Variants in MIPEP observed in about 807,000 individuals in gnomAD.
MIPEP encodes mitochondrial intermediate peptidase.
In MIPEP, 79 loss-of-function variants were observed where a neutral mutation model predicts 90.3. That is an observed-to-expected ratio of 0.87 (90% confidence interval 0.73 to 1.05). MIPEP has a LOEUF of 1.05. MIPEP is among the 50% of genes least tolerant of loss of function. The pLI, the probability that MIPEP is intolerant of heterozygous loss-of-function variation, is 0.00. For missense variants in MIPEP, 940 were observed against 905.6 expected (o/e 1.04, Z -0.49); for synonymous variants, 334 against 315.8 (o/e 1.06, Z -0.61).
At chr13:23,748,323 A>G (rs1009344586) in intron 18 of MIPEP, among the ~76,000 whole-genome samples, 5 of 103,636 alleles carry the variant, frequency 4.8e-5, no homozygotes, top group Non-Finnish European at 1.4e-4. Context: ...GCCCTGTAAC[A>G]GGGGCTGCAG....
intron 16 of MIPEP, among the ~76,000 whole-genome samples, chr13:23,797,258 G>C (rs1952972568): frequency 6.6e-6 from 1 of 152,024 alleles, no homozygotes; most frequent in Non-Finnish European, 1.5e-5. Context: ...CCCACAGTTA[G>C]TACCTTCACT....
intron 5 of MIPEP, among the ~76,000 whole-genome samples, chr13:23,870,601 T>TG (rs1271450003): frequency 1.3e-5 from 2 of 152,132 alleles, no homozygotes; most frequent in African/African-American, 4.8e-5. Context: ...GGTCAGGGGT[T>TG]GGAGACCAGT....
intron 2 of MIPEP, among the ~76,000 whole-genome samples, chr13:23,884,033 T>A: frequency 6.6e-6 from 1 of 152,078 alleles, no homozygotes; most frequent in East Asian, 1.9e-4. Flanking sequence ...AAGGTGTTAA[T>A]GCTCAAATCA....
intron 18 of MIPEP, among the ~76,000 whole-genome samples, chr13:23,746,220 G>A (rs1015873940): frequency 4.0e-5 from 6 of 151,202 alleles, no homozygotes; most frequent in Admixed American, 3.3e-4. Context: ...CACCATGTTG[G>A]CCAGGCTGGT....
At chr13:23,747,862 T>A (rs937463759) in intron 18 of MIPEP, among the ~76,000 whole-genome samples, 1 of 152,146 alleles carries the variant, frequency 6.6e-6, no homozygotes, top group Non-Finnish European at 1.5e-5. Context: ...TGCCTCAGAC[T>A]CCTGACTAGC....
intron 14 of MIPEP, among the ~76,000 whole-genome samples, chr13:23,811,934 C>CT (rs1488855468): frequency 2.3e-4 from 35 of 152,154 alleles, no homozygotes; most frequent in African/African-American, 8.4e-4. Flanking sequence ...TTCCACTTAG[C>CT]TGGCCCTGCT....
intron 16 of MIPEP, among the ~76,000 whole-genome samples, chr13:23,797,748 C>G (rs569208015): frequency 7.9e-5 from 12 of 152,328 alleles, no homozygotes; most frequent in Non-Finnish European, 1.6e-4. Context: ...ATTAATGTTT[C>G]AGGGAAGGAG....
intron 16 of MIPEP, among the ~76,000 whole-genome samples, chr13:23,799,742 C>A (rs1173832344): frequency 6.6e-6 from 1 of 152,206 alleles, no homozygotes; most frequent in Non-Finnish European, 1.5e-5. Flanking sequence ...AACATGTCTT[C>A]TTTTCATATT....
At chr13:23,762,328 T>C (rs1952556020) in intron 16 of MIPEP, among the ~76,000 whole-genome samples, 1 of 152,148 alleles carries the variant, frequency 6.6e-6, no homozygotes, top group South Asian at 2.1e-4. Context: ...TTTTTAAAAA[T>C]ATGGTTACTT....
At chr13:23,797,150 G>A (rs1225109498) in intron 16 of MIPEP, among the ~76,000 whole-genome samples, 2 of 152,178 alleles carry the variant, frequency 1.3e-5, no homozygotes, top group Non-Finnish European at 2.9e-5. Context: ...CACACTGGCT[G>A]ACCCAGTCTG....
chr13:23,855,898 CA>C (rs1317646323), intron 10 of MIPEP, among the ~76,000 whole-genome samples: 3 of 152,174 alleles, frequency 2.0e-5, no homozygotes, highest in Non-Finnish European at 4.4e-5. Context: ...AAGGACTTAG[CA>C]AGCAGGTGGA....
At chr13:23,774,148 G>C (rs1593145869) in intron 16 of MIPEP, among the ~76,000 whole-genome samples, 1 of 152,090 alleles carries the variant, frequency 6.6e-6, no homozygotes, top group Non-Finnish European at 1.5e-5. Flanking sequence ...TGCATGTGGA[G>C]ATCCAGTTTT....
intron 16 of MIPEP, among the ~76,000 whole-genome samples, chr13:23,783,276 G>T (rs1672575743): frequency 6.6e-6 from 1 of 152,142 alleles, no homozygotes. Flanking sequence ...CTTCATCCCT[G>T]GGATGCAAGG....
At chr13:23,846,443 T>C (rs930704725) in intron 10 of MIPEP, among the ~76,000 whole-genome samples, 3 of 152,230 alleles carry the variant, frequency 2.0e-5, no homozygotes, top group Non-Finnish European at 4.4e-5. Flanking sequence ...ATATAGTTTG[T>C]GTATCCCTTA....
chr13:23,775,104 G>A (rs1952698872), intron 16 of MIPEP, among the ~76,000 whole-genome samples: 1 of 109,062 alleles, frequency 9.2e-6, no homozygotes, highest in African/African-American at 3.6e-5. Flanking sequence ...CAGCCTATCA[G>A]TTCTCTGTGT....
chr13:23,878,787 G>T (rs1472286973), intron 4 of MIPEP, among the ~76,000 whole-genome samples: 1 of 152,190 alleles, frequency 6.6e-6, no homozygotes, highest in Non-Finnish European at 1.5e-5. Flanking sequence ...CCTCCCAGTA[G>T]ATAAAATCGA....
At chr13:23,754,537 A>C (rs1593134365) in intron 18 of MIPEP, among the ~76,000 whole-genome samples, 1 of 152,368 alleles carries the variant, frequency 6.6e-6, no homozygotes, top group African/African-American at 2.4e-5. Context: ...TAAGTTTCTT[A>C]ACACAAAATT....
At chr13:23,853,882 G>T (rs1480182005) in intron 10 of MIPEP, among the ~76,000 whole-genome samples, 1 of 151,768 alleles carries the variant, frequency 6.6e-6, no homozygotes, top group Admixed American at 6.6e-5. Flanking sequence ...GCATTTCTCA[G>T]AATGTATCCC....
intron 16 of MIPEP, among the ~76,000 whole-genome samples, chr13:23,767,017 G>A (rs919144279): frequency 1.2e-4 from 19 of 152,324 alleles, no homozygotes; most frequent in African/African-American, 4.6e-4. Flanking sequence ...TCAGAGGTCT[G>A]GGGGAGGACC....
Sources: gnomAD v4.1 joint callset for allele counts (sites outside exome capture counted in the v4.1 genomes callset) on GRCh38, gnomAD v4.1.1 for gene constraint, MANE v1.5 for transcripts, NCBI Gene and HGNC (gene_info 2026-07-23, HGNC 2026-07-21) for gene names.